The following TRANK1 variants were observed in gnomAD, a reference collection of about 807,000 sequenced individuals.
TRANK1 encodes the protein tetratricopeptide repeat and ankyrin repeat containing 1.
Under a neutral mutation model 266.0 loss-of-function variants are expected in TRANK1, and 198 were observed. The observed-to-expected ratio is 0.74, with a 90% CI of 0.66 to 0.84. TRANK1 has a LOEUF of 0.84. Ranked by LOEUF, TRANK1 falls within the 40% of genes least tolerant of loss-of-function variation. The pLI is 0.00. For synonymous variants in TRANK1, 1,396 were observed against 1,384.1 expected (o/e 1.01, Z -0.19); for missense variants, 3,326 against 3,634.6 (o/e 0.92, Z 2.18).
In TRANK1 at chr3:36,864,334, G is replaced by T; in HGVS notation, c.1225C>A (p.Leu409Ile). 1 of 1,530,172 alleles carries T rather than the reference G, an allele frequency of 6.5e-7. No individual in the cohort carries two copies. Among genetic ancestry groups the T allele is most frequent in the Non-Finnish European group, 8.7e-7 (1 of 1,144,530 alleles). 94.8% of individuals were successfully genotyped at this position (1,530,172 alleles called of 1,614,324 possible). Residue 409 changes from leucine to isoleucine, a missense_variant, in exon 10 of 24, where the codon CTT (leucine) becomes ATT (isoleucine). Transcript: ENST00000645898. Reference sequence around the variant, plus strand: ...AAAAAATTACCTTGCAGAGTAGAAAGGAGACGCAAGAACCTCTGAACTACT... The same window carrying T: ...AAAAAATTACCTTGCAGAGTAGAAATGAGACGCAAGAACCTCTGAACTACT... ...QEVVQRFLRL[L>I]STLQEIPPDL...
intron 8 of TRANK1, among the ~76,000 whole-genome samples, chr3:36,889,557 G>A (rs779758999): frequency 2.0e-5 from 3 of 152,192 alleles, no homozygotes; most frequent in Non-Finnish European, 2.9e-5. Context: ...GCAGCCAGGA[G>A]CCCATGTTCT....
At chr3:36,888,286 T>G (rs1046368319) in intron 8 of TRANK1, among the ~76,000 whole-genome samples, 1 of 152,154 alleles carries the variant, frequency 6.6e-6, no homozygotes. Flanking sequence ...ATATCCAGAA[T>G]AGGCAAATCC....
intron 1 of TRANK1, among the ~76,000 whole-genome samples, chr3:36,936,487 CAAAAAAAGAAAAA>C (rs1027479716): frequency 1.6e-5 from 2 of 127,844 alleles, no homozygotes; most frequent in African/African-American, 5.9e-5. Flanking sequence ...TCCTCTGTCT[CAAAAAAAGAAAAA>C]AAAAAAAGGA....
intron 4 of TRANK1, among the ~76,000 whole-genome samples, chr3:36,896,930 GT>G (rs1468605795): frequency 6.6e-6 from 1 of 152,056 alleles, no homozygotes; most frequent in Non-Finnish European, 1.5e-5. Context: ...GGAGTCGGAG[GT>G]TGCAGTGAGC....
chr3:36,852,075 T>C, intron 14 of TRANK1, 71 bp downstream of exon 14: 1 of 1,467,764 alleles, frequency 6.8e-7, no homozygotes. Context: ...TGTGGTATAA[T>C]TTAGCTTCTC....
At chr3:36,848,999 C>T (rs753279552) in intron 15 of TRANK1, among the ~76,000 whole-genome samples, 1 of 152,112 alleles carries the variant, frequency 6.6e-6, no homozygotes, top group Non-Finnish European at 1.5e-5. Context: ...CAAGGTGGGG[C>T]CTTTTAGGAG....
chr3:36,872,271 C>T (rs1368514852), intron 9 of TRANK1, among the ~76,000 whole-genome samples: 2 of 152,132 alleles, frequency 1.3e-5, no homozygotes, highest in South Asian at 2.1e-4. Context: ...TGTGGTGGTA[C>T]ATGCCTGTAA....
At chr3:36,829,021 C>T (rs141403660) in intron 23 of TRANK1, among the ~76,000 whole-genome samples, 2 of 152,342 alleles carry the variant, frequency 1.3e-5, no homozygotes, top group East Asian at 1.9e-4. Context: ...TCACATATAA[C>T]TTGGCAAGAT....
At chr3:36,883,668 G>A (rs1349414869) in intron 8 of TRANK1, among the ~76,000 whole-genome samples, 1 of 152,120 alleles carries the variant, frequency 6.6e-6, no homozygotes, top group Non-Finnish European at 1.5e-5. Context: ...CAGAAAGGAG[G>A]AGGAAATGGA....
intron 9 of TRANK1, among the ~76,000 whole-genome samples, chr3:36,873,005 A>C (rs1353342715): frequency 6.6e-6 from 1 of 152,226 alleles, no homozygotes; most frequent in Non-Finnish European, 1.5e-5. Context: ...TAATTTATAC[A>C]TTGTGAGGAA....
chr3:36,852,735 A>T (rs187592907), intron 13 of TRANK1, among the ~76,000 whole-genome samples: 26 of 149,906 alleles, frequency 1.7e-4, no homozygotes, highest in Non-Finnish European at 1.8e-4. Flanking sequence ...ACACCTCAGC[A>T]CACTCCAGCA....
intron 1 of TRANK1, among the ~76,000 whole-genome samples, chr3:36,942,707 T>C (rs928011673): frequency 6.6e-6 from 1 of 151,908 alleles, no homozygotes; most frequent in East Asian, 1.9e-4. Flanking sequence ...TGAATTTCAG[T>C]CTACTTCATC....
intron 8 of TRANK1, among the ~76,000 whole-genome samples, chr3:36,885,760 G>A (rs992976167): frequency 3.3e-5 from 5 of 150,790 alleles, no homozygotes; most frequent in Admixed American, 1.3e-4. Context: ...GGCTGGTCTC[G>A]AACTCCTGGG....
rs1481246822 is a variant in TRANK1 at position 36,917,086 on chromosome 3, G to A, written c.24-8632C>T. ...CCACCTCAGCCTCCCAAAGCACTGA[G>A]ATTACAAATGTGAGCCACCGTGCCC... On this transcript the variant is annotated intron_variant, in intron 1 of 23. Coordinates refer to ENST00000645898, the MANE Select transcript of TRANK1 (RefSeq NM_001329998.2). 3.3e-5 allele frequency among the ~76,000 whole-genome samples: 5 copies of A among 152,184 alleles called. No individual in the cohort carries two copies. In the East Asian group the frequency reaches 9.7e-4, roughly 29 times the overall value.
At chr3:36,864,802 T>C (rs2079191025) in intron 9 of TRANK1, among the ~76,000 whole-genome samples, 1 of 152,172 alleles carries the variant, frequency 6.6e-6, no homozygotes, top group South Asian at 2.1e-4. Flanking sequence ...CAGGCTAGCC[T>C]ACTGAGAGAT....
intron 1 of TRANK1, among the ~76,000 whole-genome samples, chr3:36,918,220 A>G (rs138296224): frequency 6.6e-6 from 1 of 152,150 alleles, no homozygotes; most frequent in African/African-American, 2.4e-5. Flanking sequence ...ATAGAAACAG[A>G]AAGTAGAACT....
intron 17 of TRANK1, among the ~76,000 whole-genome samples, chr3:36,843,130 C>T (rs925714188): frequency 6.6e-6 from 1 of 152,140 alleles, no homozygotes; most frequent in Non-Finnish European, 1.5e-5. Context: ...TTGTTTAGGC[C>T]ATCTAGTCTG....
chr3:36,875,437 C>G (rs568371327), intron 8 of TRANK1, among the ~76,000 whole-genome samples: 73 of 152,366 alleles, frequency 4.8e-4, no homozygotes, highest in African/African-American at 1.7e-3. Context: ...CCAACAATGG[C>G]AAAGAACTGG....
At chr3:36,933,038 T>C (rs1016962411) in intron 1 of TRANK1, among the ~76,000 whole-genome samples, 1 of 152,320 alleles carries the variant, frequency 6.6e-6, no homozygotes, top group East Asian at 1.9e-4. Context: ...TTTTTCTTCC[T>C]TTCTGTCTTT....
Sources: allele counts gnomAD v4.1 joint callset (sites outside exome capture counted in the v4.1 genomes callset), GRCh38; gene constraint gnomAD v4.1.1; transcripts MANE v1.5; gene names NCBI Gene and HGNC (gene_info 2026-07-23, HGNC 2026-07-21).